The following ARFGEF2 variants were observed in gnomAD, a reference collection of about 807,000 sequenced individuals.
The protein encoded by ARFGEF2 is ARF guanine nucleotide exchange factor 2.
ARFGEF2 carries 74 observed loss-of-function variants against 219.9 expected under a neutral mutation model. That is an observed-to-expected ratio of 0.34 (90% confidence interval 0.28 to 0.41). The LOEUF is 0.41. ARFGEF2 is among the 10% of genes least tolerant of loss of function. The pLI is 1.00. For missense variants in ARFGEF2, 1,743 were observed against 2,218.3 expected (o/e 0.79, Z 4.30); for synonymous variants, 733 against 799.2 (o/e 0.92, Z 1.40).
intron 31 of ARFGEF2, among the ~76,000 whole-genome samples, chr20:49,016,826 G>A (rs2091533907): frequency 6.6e-6 from 1 of 151,998 alleles, no homozygotes; most frequent in African/African-American, 2.4e-5. Flanking sequence ...AGATAATTTT[G>A]GCTTAGGGCA....
chr20:48,953,630 A>C lies in ARFGEF2; in HGVS notation c.678A>C (p.Val226=). The C allele has an allele frequency of 6.2e-7, 1 of 1,614,208 alleles. No individual in the cohort carries two copies. The highest frequency in any genetic ancestry group is 1.1e-5 in the South Asian group (1 of 91,086). ...PQSPVIQAAA[V]SPKFVRLKHS... ...CCCCTGTGATCCAAGCTGCAGCAGTATCCCCAAAGTTCGTTCGTTTGAAGC... is the reference window on the plus strand; with the variant it reads ...CCCCTGTGATCCAAGCTGCAGCAGTCTCCCCAAAGTTCGTTCGTTTGAAGC... The change falls in exon 6 of 39, where the codon GTA becomes GTC. Residue 226 remains valine, a synonymous_variant. Transcript: ENST00000371917.
rs762109752 is a variant in ARFGEF2, at chr20:48,989,407, C to A, written c.2656C>A (p.His886Asn). The part of the protein sequence containing the change: ...HAKAPFTSAT[H>N]LDHVRPMFKL... ...CAAAGCCCCGTTTACCAGTGCCACT[C>A]ACCTGGACCATGTCCGGCCAATGTT... The change falls in exon 19 of 39, where the codon CAC (histidine) becomes AAC (asparagine). Residue 886 changes from histidine (H) to asparagine (N), a missense_variant. Coordinates refer to ENST00000371917, the MANE Select transcript of ARFGEF2 (RefSeq NM_006420.3). 3 of 1,614,250 alleles carry A rather than the reference C, an allele frequency of 1.9e-6. No individual in the cohort carries two copies. The highest frequency in any genetic ancestry group is 2.5e-6 in the Non-Finnish European group (3 of 1,180,034).
intron 1 of ARFGEF2, among the ~76,000 whole-genome samples, chr20:48,935,941 G>A (rs915187679): frequency 1.5e-5 from 2 of 132,596 alleles, no homozygotes; most frequent in Admixed American, 7.2e-5. Flanking sequence ...GCTGGCCGGG[G>A]GGGGGGGCTG....
rs1295995231 is a variant in ARFGEF2 at position 48,979,761 on chromosome 20, G to A, written c.1958+3562G>A. 5.3e-5 allele frequency among the ~76,000 whole-genome samples: 8 copies of A among 152,098 alleles called. No individual in the cohort carries two copies. The East Asian group carries it at 5.8e-4, about 11-fold the overall frequency. Reference sequence around the variant, plus strand: ...CTTCTAGATTTTCTAGTTTATTTGCGTAGAGGTGTTTATAGTATTTTCTGA... The same window carrying A: ...CTTCTAGATTTTCTAGTTTATTTGCATAGAGGTGTTTATAGTATTTTCTGA... On this transcript the variant is annotated intron_variant, in intron 14 of 38. Coordinates refer to ENST00000371917, the MANE Select transcript of ARFGEF2 (RefSeq NM_006420.3).
rs1480677503 is a variant in ARFGEF2 at position 49,011,933 on chromosome 20, T to C, written c.3767T>C (p.Phe1256Ser). ...CCTTGTGTTCCCCCAGCAACTATTT[T>C]CCAGCACCATTTTCCTGCAGCCATC... The part of the protein sequence containing the change: ...QTTCHIVTTI[F>S]QHHFPAAIDS... Residue 1256 changes from phenylalanine to serine, a missense_variant, in exon 28 of 39, where the codon TTC (phenylalanine) becomes TCC (serine). Around this residue, in one of 5 missense-constraint regions of ARFGEF2, gnomAD observed 578 missense variants for 664.0 expected, o/e 0.87. Coordinates refer to ENST00000371917, the MANE Select transcript of ARFGEF2 (RefSeq NM_006420.3). The C allele has an allele frequency of 6.2e-7, 1 of 1,614,238 alleles. No homozygotes were observed. The highest frequency in any genetic ancestry group is 8.5e-7 in the Non-Finnish European group (1 of 1,180,038).
chr20:48,968,605 G>A (rs1379068426), intron 8 of ARFGEF2, among the ~76,000 whole-genome samples: 1 of 151,930 alleles, frequency 6.6e-6, no homozygotes. Context: ...GAACTGATCT[G>A]CCCACCTTGG....
At chr20:48,965,519 A>G (rs995066818) in intron 7 of ARFGEF2, among the ~76,000 whole-genome samples, 1 of 152,090 alleles carries the variant, frequency 6.6e-6, no homozygotes, top group African/African-American at 2.4e-5. Context: ...TATTAATGGT[A>G]CTTTAAAAAA....
At chr20:48,960,293 C>A (rs546455167) in intron 6 of ARFGEF2, among the ~76,000 whole-genome samples, 14 of 152,050 alleles carry the variant, frequency 9.2e-5, no homozygotes, top group Non-Finnish European at 2.1e-4. Flanking sequence ...AGTCACAATG[C>A]AGTACAAAAG....
In ARFGEF2 at chr20:49,017,360, A is replaced by G; in HGVS notation, c.4427A>G (p.Asp1476Gly). 2 of 1,614,116 alleles carry G rather than the reference A, an allele frequency of 1.2e-6. No individual in the cohort carries two copies. Among genetic ancestry groups the G allele is most frequent in the Non-Finnish European group, 1.7e-6 (2 of 1,179,998 alleles). ...GATGAAACCTGCAACTGTATGTTGGATATTTTCAAAACAACCATCCCACAT... is the reference window on the plus strand; with the variant it reads ...GATGAAACCTGCAACTGTATGTTGGGTATTTTCAAAACAACCATCCCACAT... ...VWDETCNCMLDIFKTTIPHVL... is the reference protein window; with the variant it reads ...VWDETCNCMLGIFKTTIPHVL... Residue 1476 changes from aspartate to glycine, a missense_variant, in exon 32 of 39, where the codon GAT (aspartate) becomes GGT (glycine). This residue lies in a region of ARFGEF2 where 578 missense variants were observed against 664.0 expected (regional missense o/e 0.87). Transcript: ENST00000371917.
At chr20:48,950,116 T>C (rs1055564747) in intron 3 of ARFGEF2, among the ~76,000 whole-genome samples, 5 of 152,162 alleles carry the variant, frequency 3.3e-5, no homozygotes, top group Admixed American at 1.3e-4. Flanking sequence ...TCCTTCCAGC[T>C]CTGTCCTCCA....
chr20:48,925,955 CT>C (rs945686904), intron 1 of ARFGEF2, among the ~76,000 whole-genome samples: 2 of 152,166 alleles, frequency 1.3e-5, no homozygotes, highest in Non-Finnish European at 2.9e-5. Context: ...AATTGAATGA[CT>C]TTTAAAGATC....
intron 38 of ARFGEF2, 50 bp downstream of exon 38, chr20:49,032,216 G>C (rs1182396684): frequency 7.1e-7 from 1 of 1,411,220 alleles, no homozygotes; most frequent in Non-Finnish European, 1.0e-6. Flanking sequence ...TAAAGTTTGG[G>C]TTGGCTTTTT....
At chr20:48,977,722 G>A (rs1331127342) in intron 14 of ARFGEF2, among the ~76,000 whole-genome samples, 6 of 152,174 alleles carry the variant, frequency 3.9e-5, no homozygotes, top group African/African-American at 1.2e-4. Flanking sequence ...TTTCTCTTAC[G>A]ACCAGTGATG....
At chr20:48,942,839 C>G (rs1049764134) in intron 3 of ARFGEF2, among the ~76,000 whole-genome samples, 3 of 152,056 alleles carry the variant, frequency 2.0e-5, no homozygotes, top group African/African-American at 7.2e-5. Context: ...AATCTTTGTT[C>G]CTGGAGGAAC....
intron 23 of ARFGEF2, 73 bp downstream of exon 23, chr20:48,995,955 A>G: frequency 7.7e-7 from 1 of 1,298,808 alleles, no homozygotes; most frequent in Non-Finnish European, 1.1e-6. Context: ...ACTGGACATG[A>G]ATGATTCCTA....
rs965488311 is a variant in ARFGEF2 at position 48,922,109 on chromosome 20, C to G, written c.121+99C>G. The G allele has an allele frequency of 2.0e-6, 3 of 1,475,946 alleles. No homozygotes were observed. The African/African-American group carries it at 4.3e-5, about 21-fold the overall frequency. The allele number at this position is 1,475,946 out of a possible 1,614,324, so 91.4% of individuals were successfully genotyped here. ...GGCCCGGCCTCCTGGCCTCCGCTTC[C>G]CCCCGATCCCGAATTCCACCCTTCC... is the stretch of plus-strand genomic sequence containing the variant. On this transcript the variant is annotated intron_variant, in intron 1 of 38. Transcript: ENST00000371917.
intron 6 of ARFGEF2, among the ~76,000 whole-genome samples, chr20:48,960,609 G>C (rs961929032): frequency 6.6e-6 from 1 of 151,162 alleles, no homozygotes; most frequent in Non-Finnish European, 1.5e-5. Context: ...TCAGCCTCCC[G>C]AGTAGCTGGG....
intron 6 of ARFGEF2, 73 bp from the exon 7 acceptor site, chr20:48,963,757 C>A: frequency 1.4e-6 from 2 of 1,462,576 alleles, no homozygotes; most frequent in African/African-American, 1.4e-5. Context: ...TCCCCATAAT[C>A]TCCTTTTCCT....
intron 1 of ARFGEF2, among the ~76,000 whole-genome samples, chr20:48,925,593 T>C (rs1170204700): frequency 6.6e-6 from 1 of 152,142 alleles, no homozygotes; most frequent in Non-Finnish European, 1.5e-5. Context: ...TCCAGCGCTT[T>C]AGGAGGCCAA....
Sources: gnomAD v4.1 joint callset for allele counts (sites outside exome capture counted in the v4.1 genomes callset) on GRCh38, gnomAD v4.1.1 for gene constraint, gnomAD v4.1.1 regional missense constraint, MANE v1.5 for transcripts, NCBI Gene and HGNC (gene_info 2026-07-23, HGNC 2026-07-21) for gene names.